The following PITPNM3 variants were observed in gnomAD, a reference collection of about 807,000 sequenced individuals.
PITPNM3 encodes membrane-associated phosphatidylinositol transfer protein 3.
In PITPNM3, 26 loss-of-function variants were observed where a neutral mutation model predicts 102.0. That is an observed-to-expected ratio of 0.25 (90% confidence interval 0.19 to 0.35). The LOEUF is 0.35. Ranked by LOEUF, PITPNM3 falls within the 10% of genes least tolerant of loss-of-function variation. The probability of loss-of-function intolerance (pLI) is 1.00; values close to 1 mark genes in which losing one functional copy is unlikely to be tolerated. For missense variants in PITPNM3, 1,083 were observed against 1,346.1 expected, an observed-to-expected ratio of 0.80 and a Z score of 3.06; for synonymous variants, 578 against 558.6, an observed-to-expected ratio of 1.03 and a Z score of -0.49.
At chr17:6,538,818 A>T (rs1035487037) in intron 1 of PITPNM3, among the ~76,000 whole-genome samples, 32 of 152,160 alleles carry the variant, frequency 2.1e-4, no homozygotes, top group Non-Finnish European at 3.4e-4. Context: ...CTGACAATAA[A>T]CAAGCATGGG....
chr17:6,488,536 G>T (rs1452910177), intron 4 of PITPNM3, among the ~76,000 whole-genome samples: 1 of 152,156 alleles, frequency 6.6e-6, no homozygotes, highest in African/African-American at 2.4e-5. Context: ...CCTTTTGGAA[G>T]ATCCCAGGAT....
At chr17:6,540,623 T>C (rs995073761) in intron 1 of PITPNM3, among the ~76,000 whole-genome samples, 1 of 152,248 alleles carries the variant, frequency 6.6e-6, no homozygotes, top group Admixed American at 6.5e-5. Context: ...TGTTTACTAT[T>C]ATTCTACTTG....
At chr17:6,547,513 C>G (rs905824982) in intron 1 of PITPNM3, among the ~76,000 whole-genome samples, 6 of 151,980 alleles carry the variant, frequency 3.9e-5, no homozygotes, top group Non-Finnish European at 8.8e-5. Flanking sequence ...ACGAGTTCCC[C>G]GTAGCACCTG....
chr17:6,477,968 G>T lies in PITPNM3; in HGVS notation c.900+7C>A, dbSNP rs753587524. The T allele has an allele frequency of 7.4e-6, 12 of 1,612,038 alleles. No homozygotes were observed. Among genetic ancestry groups the T allele is most frequent in the Non-Finnish European group, 1.0e-5 (12 of 1,180,000 alleles). ...ACCCCTCCCGCGGTCCTGTCCCCCG[G>T]CTGTACCTGGGTGCTGCTGATGCTC... is the stretch of plus-strand genomic sequence containing the variant. On this transcript the variant is annotated splice_region_variant and intron_variant, in intron 8 of 19. Coordinates refer to ENST00000262483, the MANE Select transcript of PITPNM3 (RefSeq NM_031220.4).
intron 4 of PITPNM3, 66 bp from the exon 5 acceptor site, chr17:6,484,358 G>T (rs1905941826): frequency 6.8e-7 from 1 of 1,468,952 alleles, no homozygotes; most frequent in Non-Finnish European, 9.5e-7. Context: ...CACTCCCTGG[G>T]CCCAGCTGGC....
rs111852656 is a variant in PITPNM3, at chr17:6,493,649, C to T, written c.275-9357G>A. Among the ~76,000 whole-genome samples the T allele has an allele frequency of 6.2e-3, 937 of 152,294 alleles. 4 individuals are homozygous for T. The highest frequency in any genetic ancestry group is 9.9e-3 in the Non-Finnish European group (674 of 68,028). On this transcript the variant is annotated intron_variant, in intron 4 of 19. Transcript: ENST00000262483. The stretch of plus-strand genomic sequence containing the variant: ...TGGTGGCTGAGGTCCCTCCATGACT[C>T]CTTAACGCTTTCAGGGTCAGAATCT...
At chr17:6,488,117 C>G (rs953633383) in intron 4 of PITPNM3, among the ~76,000 whole-genome samples, 1 of 152,052 alleles carries the variant, frequency 6.6e-6, no homozygotes, top group Non-Finnish European at 1.5e-5. Flanking sequence ...TTAGCAGAGG[C>G]CCCTGTAGAC....
rs1184199738 is a variant in PITPNM3, at chr17:6,525,411, G to T, written c.171C>A (p.Asn57Lys). 1 of 1,614,228 alleles carries T rather than the reference G, an allele frequency of 6.2e-7. No homozygotes were observed. Among genetic ancestry groups the T allele is most frequent in the Non-Finnish European group, 8.5e-7 (1 of 1,180,046 alleles). The change falls in exon 3 of 20, where the codon AAC becomes AAA. Residue 57 changes from asparagine (N) to lysine (K), a missense_variant. Physicochemically the swap from Asn to Lys is moderately conservative, Grantham distance 94 (BLOSUM62 0). Around this residue, in one of 5 missense-constraint regions of PITPNM3, gnomAD observed 290 missense variants for 337.8 expected, o/e 0.86. Coordinates refer to ENST00000262483, the MANE Select transcript of PITPNM3 (RefSeq NM_031220.4). ...CGATCTGCTCCACGAGGTCATTGGAGTTCCACTGGCTCATCCCAATGAGGA... is the reference window on the plus strand; with the variant it reads ...CGATCTGCTCCACGAGGTCATTGGATTTCCACTGGCTCATCCCAATGAGGA... Reference protein sequence around the residue: ...NAILIGMSQWNSNDLVEQIET... With the variant: ...NAILIGMSQWKSNDLVEQIET...
chr17:6,484,100 C>A, intron 5 of PITPNM3, 116 bp downstream of exon 5: 1 of 1,187,552 alleles, frequency 8.4e-7, no homozygotes, highest in South Asian at 1.2e-5. Flanking sequence ...CACCCAGGGT[C>A]ACACAGCAAG....
chr17:6,551,089 G>A (rs1910276324), intron 1 of PITPNM3, among the ~76,000 whole-genome samples: 1 of 150,866 alleles, frequency 6.6e-6, no homozygotes, highest in African/African-American at 2.4e-5. Context: ...CAGGCACGGT[G>A]GCTCACACCT....
intron 3 of PITPNM3, among the ~76,000 whole-genome samples, chr17:6,505,775 G>A (rs1053916334): frequency 6.6e-6 from 1 of 152,220 alleles, no homozygotes; most frequent in African/African-American, 2.4e-5. Context: ...GGGCCATGGA[G>A]GATACAGAGA....
chr17:6,505,405 C>T (rs1403540262), intron 3 of PITPNM3, among the ~76,000 whole-genome samples: 1 of 152,106 alleles, frequency 6.6e-6, no homozygotes, highest in African/African-American at 2.4e-5. Flanking sequence ...CAGCTCACAG[C>T]ACTCCCTAGA....
rs866782570 is a variant in PITPNM3, at chr17:6,529,455, G to A, written c.119-3992C>T. 8.5e-5 allele frequency among the ~76,000 whole-genome samples: 13 copies of A among 152,190 alleles called. No homozygotes were observed. In the East Asian group the frequency reaches 9.7e-4, roughly 11 times the overall value. ...TAAAAATACAAAAAATTAGCTGGGC[G>A]TGGGGGCGGGTGTCTGTAATCCCAG... On this transcript the variant is annotated intron_variant, in intron 2 of 19. Coordinates refer to ENST00000262483, the MANE Select transcript of PITPNM3 (RefSeq NM_031220.4).
chr17:6,510,736 G>C (rs1210416471), intron 3 of PITPNM3, among the ~76,000 whole-genome samples: 1 of 152,272 alleles, frequency 6.6e-6, no homozygotes, highest in African/African-American at 2.4e-5. Context: ...GCTGTCAGCA[G>C]AGTGGTCCGT....
At chr17:6,511,514 A>G (rs1183783111) in intron 3 of PITPNM3, among the ~76,000 whole-genome samples, 1 of 152,232 alleles carries the variant, frequency 6.6e-6, no homozygotes, top group African/African-American at 2.4e-5. Flanking sequence ...CATAATTTTC[A>G]GGGCCCAGTG....
At position 6,452,988 on chromosome 17, in the gene PITPNM3, CTCTCTGTCTTCCTT is replaced by C. The variant is rs1188849436; in HGVS notation, c.*2336_*2349del. 4 of 116,858 alleles carry C rather than the reference CTCTCTGTCTTCCTT, an allele frequency of 3.4e-5. No homozygotes were observed. Among genetic ancestry groups the C allele is most frequent in the African/African-American group, 7.6e-5 (2 of 26,204 alleles). The allele number at this position is 116,858 out of a possible 1,614,324, so 7.2% of individuals were successfully genotyped here. ...TCTCTCTCTCTCTTCCTCTCTCTCT[CTCTCTGTCTTCCTT>C]TCTCTCTCTCTCTCTCTCTCTGCCT... On this transcript the variant is annotated 3_prime_UTR_variant, in exon 20 of 20. Coordinates refer to ENST00000262483, the MANE Select transcript of PITPNM3 (RefSeq NM_031220.4).
chr17:6,549,101 G>C (rs1208947171), intron 1 of PITPNM3, among the ~76,000 whole-genome samples: 1 of 152,008 alleles, frequency 6.6e-6, no homozygotes, highest in African/African-American at 2.4e-5. Flanking sequence ...AAGCTGTCCT[G>C]CTCACCAGCC....
At chr17:6,513,229 C>T (rs1907971883) in intron 3 of PITPNM3, among the ~76,000 whole-genome samples, 1 of 152,024 alleles carries the variant, frequency 6.6e-6, no homozygotes, top group Non-Finnish European at 1.5e-5. Context: ...GAAAACCTTC[C>T]CCCTAAGATC....
intron 17 of PITPNM3, 71 bp from the exon 18 acceptor site, chr17:6,461,627 G>T: frequency 1.3e-6 from 2 of 1,528,686 alleles, no homozygotes; most frequent in Non-Finnish European, 9.1e-7. Context: ...AGCCTGCCCT[G>T]CCCGCAGCTG....
Sources: allele counts gnomAD v4.1 joint callset (sites outside exome capture counted in the v4.1 genomes callset), GRCh38; gene constraint gnomAD v4.1.1; regional missense constraint gnomAD v4.1.1; transcripts MANE v1.5; gene names NCBI Gene and HGNC (gene_info 2026-07-23, HGNC 2026-07-21).